Variants in MYO19 observed in about 807,000 individuals in gnomAD.
MYO19 encodes unconventional myosin-XIX.
Under a neutral mutation model 129.2 loss-of-function variants are expected in MYO19, and 132 were observed. The ratio of observed to expected loss-of-function variants is 1.02; its 90% CI spans 0.89 to 1.18. The LOEUF (loss-of-function observed/expected upper bound fraction) is 1.18, where lower values mean the gene tolerates loss of function less well. MYO19 is among the 50% of genes most tolerant of loss of function. MYO19 has a pLI of 0.00. For synonymous variants in MYO19, 531 were observed against 477.2 expected (o/e 1.11, Z -1.47); for missense variants, 1,210 against 1,216.7 (o/e 0.99, Z 0.08).
chr17:36,512,954 GTCTGGTAC>G, intron 11 of MYO19: 3 of 768,804 alleles, frequency 3.9e-6, no homozygotes, highest in Non-Finnish European at 5.3e-6. Context: ...GAATTACTAT[GTCTGGTAC>G]TCTGTATCAC....
At chr17:36,538,332 T>C, upstream of MYO19, 9 of 1,614,108 alleles carry the variant, frequency 5.6e-6, no homozygotes, top group Non-Finnish European at 7.6e-6. Context: ...ACCATGTTCT[T>C]GGAAACTTAT....
chr17:36,526,910 TG>T (rs1363259570), intron 5 of MYO19, among the ~76,000 whole-genome samples: 1 of 152,040 alleles, frequency 6.6e-6, no homozygotes, highest in Non-Finnish European at 1.5e-5. Context: ...CCGGGTACAG[TG>T]GCTCACACCT....
chr17:36,540,245 G>C (rs1366725152), intron 2 of MYO19, among the ~76,000 whole-genome samples: 2 of 152,238 alleles, frequency 1.3e-5, no homozygotes, highest in East Asian at 3.9e-4. Context: ...GTAAAAAATA[G>C]AGATGGGGTT....
chr17:36,512,389 C>CA (rs551345278), intron 11 of MYO19, among the ~76,000 whole-genome samples: 5,460 of 77,664 alleles, frequency 0.07, 311 homozygotes, highest in East Asian at 0.23. Flanking sequence ...AACTCCATCT[C>CA]AAAAAAAAAA....
At chr17:36,538,592 A>G, upstream of MYO19, 1 of 1,604,012 alleles carries the variant, frequency 6.2e-7, no homozygotes, top group Non-Finnish European at 8.5e-7. Context: ...TATATTTGCA[A>G]GATAAGACTG....
In MYO19 at chr17:36,507,130, G is replaced by C. The variant is rs752128189; in HGVS notation, c.1477C>G (p.Leu493Val). Residue 493 changes from leucine to valine, a missense_variant, in exon 17 of 26, where the codon CTC becomes GTC. Leu to Val is a conservative substitution (Grantham distance 32). Coordinates refer to ENST00000614623, the MANE Select transcript of MYO19 (RefSeq NM_001163735.2). ...ICSLINEECR[L>V]NRPSSAAQLQ... Reference sequence around the variant, plus strand: ...TGGGCTGCGCTGCTGGGTCGATTGAGGCGGCATTCCTGTGGGATGGGAACA... The same window carrying C: ...TGGGCTGCGCTGCTGGGTCGATTGACGCGGCATTCCTGTGGGATGGGAACA... 6.2e-7 allele frequency: 1 copy of C among 1,601,774 alleles called. No individual in the cohort carries two copies. Among genetic ancestry groups the C allele is most frequent in the South Asian group, 1.1e-5 (1 of 90,632 alleles).
Position 36,498,292 on chromosome 17 carries a change from C to T in MYO19, c.2731G>A (p.Val911Ile). The T allele has an allele frequency of 6.2e-7, 1 of 1,613,202 alleles. No homozygotes were observed. The highest frequency in any genetic ancestry group is 8.5e-7 in the Non-Finnish European group (1 of 1,179,436). The change falls in exon 25 of 26, where the codon GTC becomes ATC. Residue 911 changes from valine (V) to isoleucine (I), a missense_variant. Transcript: ENST00000614623. ...TVQTAQDQAG[V>I]TSIRALPQGS... The stretch of plus-strand genomic sequence containing the variant: ...TGAGGCAGCGCTCGGATGGACGTGA[C>T]ACCAGCCTGGTCTTGTGCTGTCTGG...
intron 19 of MYO19, chr17:36,504,356 G>A (rs544680976): frequency 3.5e-6 from 1 of 283,370 alleles, no homozygotes; most frequent in Non-Finnish European, 6.6e-6. Flanking sequence ...TTCCAGTTTG[G>A]ATTGTTTTCA....
At chr17:36,531,115 C>T (rs2073809464) in intron 3 of MYO19, among the ~76,000 whole-genome samples, 1 of 151,792 alleles carries the variant, frequency 6.6e-6, no homozygotes, top group South Asian at 2.1e-4. Context: ...AATTTGGAGG[C>T]TGGGCGCGGT....
At chr17:36,516,607 T>A (rs1026216057) in intron 6 of MYO19, among the ~76,000 whole-genome samples, 1 of 152,116 alleles carries the variant, frequency 6.6e-6, no homozygotes, top group Non-Finnish European at 1.5e-5. Context: ...CCTGACCTCG[T>A]AATCTGCCCA....
chr17:36,532,502 G>C, intron 3 of MYO19, 25 bp downstream of exon 3: 1 of 1,553,996 alleles, frequency 6.4e-7, no homozygotes, highest in African/African-American at 1.4e-5. Flanking sequence ...TTGAGGGCCT[G>C]GGTTATCTAA....
chr17:36,522,928 C>G (rs2073229579), intron 6 of MYO19, among the ~76,000 whole-genome samples: 1 of 151,690 alleles, frequency 6.6e-6, no homozygotes, highest in African/African-American at 2.4e-5. Context: ...ATGGTGTGAA[C>G]CCGGGAGGCA....
Position 36,512,635 on chromosome 17 carries a change from C to T in MYO19, c.894+794G>A, listed in dbSNP as rs1213193636. The T allele has an allele frequency of 3.1e-6, 4 of 1,288,348 alleles. No individual in the cohort carries two copies. In the African/African-American group the frequency reaches 6.1e-5, roughly 20 times the overall value. 79.8% of individuals were successfully genotyped at this position (1,288,348 alleles called of 1,614,324 possible). On this transcript the variant is annotated intron_variant, in intron 11 of 25. Transcript: ENST00000614623. Reference sequence around the variant, plus strand: ...CTTATCCTGGGCTTGTCCCCAGGTACTGTCCTTCTGTCAAGTTCTTACCTG... The same window carrying T: ...CTTATCCTGGGCTTGTCCCCAGGTATTGTCCTTCTGTCAAGTTCTTACCTG...
At chr17:36,509,400 C>T (rs1415362458) in intron 13 of MYO19, 1 of 539,716 alleles carries the variant, frequency 1.9e-6, no homozygotes, top group Non-Finnish European at 3.3e-6. Context: ...AAGCTCAGCT[C>T]CTAGGCTGGG....
At chr17:36,537,288 G>A (rs2074154347), upstream of MYO19, 1 of 1,613,528 alleles carries the variant, frequency 6.2e-7, no homozygotes, top group Non-Finnish European at 8.5e-7. Context: ...TGACTTTGTT[G>A]TCCTAATAGT....
chr17:36,539,978 G>T lies in MYO19; in HGVS notation n.395+2103C>A, dbSNP rs553736538. On this transcript the variant is annotated intron_variant and non_coding_transcript_variant, in intron 2 of 2. Coordinates refer to the MYO19 transcript ENST00000610496. ...TGGGGGCTGGGGGGCAAATGGCAGA[G>T]AACATTATAGATGGATGACTCCCTC... Among the ~76,000 whole-genome samples, 7 of 151,724 alleles carry T rather than the reference G, an allele frequency of 4.6e-5. No individual in the cohort carries two copies. The East Asian group carries it at 1.4e-3, about 30-fold the overall frequency.
chr17:36,541,524 C>T (rs1292395064), intron 2 of MYO19, among the ~76,000 whole-genome samples: 1 of 152,036 alleles, frequency 6.6e-6, no homozygotes, highest in South Asian at 2.1e-4. Context: ...TTGTGGCTAG[C>T]GTCTCACACA....
At chr17:36,512,404 AAAAG>A in intron 11 of MYO19, among the ~76,000 whole-genome samples, 1 of 151,722 alleles carries the variant, frequency 6.6e-6, no homozygotes, top group Non-Finnish European at 1.5e-5. Flanking sequence ...AAAAAAAAAA[AAAAG>A]AAAAAACCAC....
intron 6 of MYO19, 61 bp downstream of exon 6, chr17:36,525,167 C>A (rs1339561176): frequency 1.6e-6 from 2 of 1,259,740 alleles, no homozygotes; most frequent in Non-Finnish European, 1.2e-6. Flanking sequence ...AGGAATGACC[C>A]CTGCCTCCCT....
Sources: allele counts gnomAD v4.1 joint callset (sites outside exome capture counted in the v4.1 genomes callset), GRCh38; gene constraint gnomAD v4.1.1; transcripts MANE v1.5; gene names NCBI Gene and HGNC (gene_info 2026-07-23, HGNC 2026-07-21).